UGT2B15: variants seen among roughly 807,000 people sequenced by gnomAD.
UGT2B15 encodes UDP glucuronosyltransferase family 2 member B15, also known as UDP-glucuronosyltransferase 2B15.
UGT2B15 carries 36 observed loss-of-function variants against 45.9 expected under a neutral mutation model. The ratio of observed to expected loss-of-function variants is 0.78; its 90% CI spans 0.60 to 1.04. UGT2B15 has a LOEUF of 1.04. UGT2B15 is among the 50% of genes least tolerant of loss of function. The pLI is 0.00. For missense variants in UGT2B15, 617 were observed against 622.4 expected, an observed-to-expected ratio of 0.99 and a Z score of 0.09; for synonymous variants, 219 against 216.4, an observed-to-expected ratio of 1.01 and a Z score of -0.11.
chr4:68,652,888 G>C (rs1413470099), intron 5 of UGT2B15, among the ~76,000 whole-genome samples: 4 of 151,944 alleles, frequency 2.6e-5, no homozygotes, highest in African/African-American at 4.8e-5. Context: ...GAAGATGTGT[G>C]AATGACCAGT....
intron 3 of UGT2B15, among the ~76,000 whole-genome samples, chr4:68,659,011 C>T (rs889251839): frequency 5.9e-5 from 9 of 151,988 alleles, no homozygotes; most frequent in African/African-American, 1.7e-4. Flanking sequence ...GTCAGATTAA[C>T]AAGGTTTTCT....
chr4:68,670,100 A>G lies in UGT2B15; in HGVS notation c.519T>C (p.Leu173=), dbSNP rs1320157997. Reference sequence around the variant, plus strand: ...CAAATGTGTAGCCAACAGAGAATCGAAGACTGTACAGAAAGGGTATGTTAA... The same window carrying G: ...CAAATGTGTAGCCAACAGAGAATCGGAGACTGTACAGAAAGGGTATGTTAA... The part of the protein sequence containing the change: ...ELFNIPFLYS[L]RFSVGYTFEK... The change falls in exon 1 of 6, where the codon CTT becomes CTC. Residue 173 remains leucine (L), a synonymous_variant. Coordinates refer to ENST00000338206, the MANE Select transcript of UGT2B15 (RefSeq NM_001076.4). 1.9e-6 allele frequency: 3 copies of G among 1,613,998 alleles called. No individual in the cohort carries two copies. Among genetic ancestry groups the G allele is most frequent in the African/African-American group, 1.3e-5 (1 of 74,904 alleles).
At chr4:68,648,708 C>T (rs550389013) in intron 5 of UGT2B15, among the ~76,000 whole-genome samples, 10 of 152,220 alleles carry the variant, frequency 6.6e-5, no homozygotes, top group African/African-American at 2.4e-4. Flanking sequence ...GAAGAACTCT[C>T]TCCTCCTGGG....
intron 3 of UGT2B15, among the ~76,000 whole-genome samples, chr4:68,660,779 G>A (rs138204102): frequency 0.016 from 2,467 of 151,418 alleles, 45 homozygotes; most frequent in African/African-American, 0.038. Context: ...ATTTTTCCTA[G>A]TTTGGAGTCA....
intron 2 of UGT2B15, among the ~76,000 whole-genome samples, chr4:68,667,461 C>A (rs992490773): frequency 6.6e-6 from 1 of 152,110 alleles, no homozygotes; most frequent in Non-Finnish European, 1.5e-5. Flanking sequence ...TAGGTGTGAG[C>A]CACCTTGCCT....
In UGT2B15 at chr4:68,649,569, C is replaced by A. The variant is rs935373040; in HGVS notation, c.1314-2186G>T. Reference sequence around the variant, plus strand: ...GTGTCGGGATTACAGGTGTGAGCCACCACACCCGGTCTCCATAAACTCTTT... The same window carrying A: ...GTGTCGGGATTACAGGTGTGAGCCAACACACCCGGTCTCCATAAACTCTTT... On this transcript the variant is annotated intron_variant, in intron 5 of 5. Transcript: ENST00000338206. Among the ~76,000 whole-genome samples the A allele has an allele frequency of 2.6e-4, 39 of 151,954 alleles. 1 individual carries two copies. The highest frequency in any genetic ancestry group is 5.2e-4 in the Admixed American group (8 of 15,260).
chr4:68,670,196 T>C lies in UGT2B15; in HGVS notation c.423A>G (p.Leu141=), dbSNP rs756647314. 6.2e-7 allele frequency: 1 copy of C among 1,614,088 alleles called. No individual in the cohort carries two copies. Among genetic ancestry groups the C allele is most frequent in the Non-Finnish European group, 8.5e-7 (1 of 1,179,988 alleles). ...GAATGACATCAAACTTTGACTCTTGTAGTTTCATCATAAGTTTCTTATTCA... is the reference window on the plus strand; with the variant it reads ...GAATGACATCAAACTTTGACTCTTGCAGTTTCATCATAAGTTTCTTATTCA... The part of the protein sequence containing the change: ...AVLNKKLMMK[L]QESKFDVILA... Residue 141 remains leucine, a synonymous_variant, in exon 1 of 6, where the codon CTA becomes CTG. Coordinates refer to ENST00000338206, the MANE Select transcript of UGT2B15 (RefSeq NM_001076.4).
intron 3 of UGT2B15, among the ~76,000 whole-genome samples, chr4:68,655,896 G>A (rs969532773): frequency 2.0e-5 from 3 of 151,930 alleles, no homozygotes; most frequent in African/African-American, 7.3e-5. Context: ...ATATATTCAG[G>A]GTTCATATTT....
intron 1 of UGT2B15, 24 bp from the exon 2 acceptor site, chr4:68,668,212 A>T (rs760265901): frequency 1.2e-6 from 2 of 1,606,388 alleles, no homozygotes; most frequent in Admixed American, 3.4e-5. Context: ...ACAAAACAAA[A>T]CAAAAGGTAG....
chr4:68,670,061 T>A lies in UGT2B15; in HGVS notation c.558A>T (p.Gly186=). ...CATAGGAAGGAGGGAACAGAAATCC[T>A]CCACCATTCTTCTCAAATGTGTAGC... is the stretch of plus-strand genomic sequence containing the variant. ...SVGYTFEKNG[G]GFLFPPSYVP... The change falls in exon 1 of 6, where the codon GGA becomes GGT. Residue 186 remains glycine, a synonymous_variant. Coordinates refer to ENST00000338206, the MANE Select transcript of UGT2B15 (RefSeq NM_001076.4). The A allele has an allele frequency of 6.2e-7, 1 of 1,614,064 alleles. No individual in the cohort carries two copies. The highest frequency in any genetic ancestry group is 8.5e-7 in the Non-Finnish European group (1 of 1,179,962).
At chr4:68,665,932 A>G (rs1310167364) in intron 2 of UGT2B15, among the ~76,000 whole-genome samples, 1 of 152,108 alleles carries the variant, frequency 6.6e-6, no homozygotes, top group Non-Finnish European at 1.5e-5. Context: ...CTGTAATCCC[A>G]GCTACTCGGG....
At chr4:68,656,537 GAAAAC>G (rs772986469) in intron 3 of UGT2B15, among the ~76,000 whole-genome samples, 9 of 151,910 alleles carry the variant, frequency 5.9e-5, no homozygotes, top group African/African-American at 1.5e-4. Flanking sequence ...ACGCAAAAGA[GAAAAC>G]AAAACAAAAC....
At chr4:68,666,473 G>A (rs1733122602) in intron 2 of UGT2B15, among the ~76,000 whole-genome samples, 2 of 151,994 alleles carry the variant, frequency 1.3e-5, no homozygotes, top group South Asian at 4.1e-4. Context: ...CAACTTAAGT[G>A]TTTTATCTGT....
chr4:68,664,763 A>C (rs1159742753), intron 2 of UGT2B15, among the ~76,000 whole-genome samples: 1 of 151,912 alleles, frequency 6.6e-6, no homozygotes, highest in Non-Finnish European at 1.5e-5. Context: ...GACAGGTTTC[A>C]CCATCTTGGC....
intron 3 of UGT2B15, among the ~76,000 whole-genome samples, chr4:68,655,625 C>T (rs1732781290): frequency 6.6e-6 from 1 of 152,080 alleles, no homozygotes; most frequent in South Asian, 2.1e-4. Context: ...CTATTTGTCT[C>T]TCATCTACCT....
intron 2 of UGT2B15, among the ~76,000 whole-genome samples, chr4:68,667,338 A>T (rs936822344): frequency 6.6e-6 from 1 of 151,464 alleles, no homozygotes; most frequent in African/African-American, 2.4e-5. Flanking sequence ...CCTGGCTATT[A>T]TTTTATTTTT....
intron 5 of UGT2B15, among the ~76,000 whole-genome samples, chr4:68,650,732 C>T (rs1296883114): frequency 6.6e-6 from 1 of 152,016 alleles, no homozygotes; most frequent in Non-Finnish European, 1.5e-5. Flanking sequence ...CACTGTTTTC[C>T]ATGATGGTTG....
intron 3 of UGT2B15, among the ~76,000 whole-genome samples, chr4:68,659,002 T>C (rs1371665489): frequency 1.3e-5 from 2 of 152,046 alleles, no homozygotes; most frequent in Non-Finnish European, 1.5e-5. Flanking sequence ...GGCCCCTGTG[T>C]CAGATTAACA....
Position 68,670,003 on chromosome 4 carries a change from T to C in UGT2B15, c.616A>G (p.Met206Val). ...PVVMSELSDQ[M>V]IFMERIKNMI... ...TTTTTTATCCTCTCCATGAAAATCA[T>C]TTGATCACTTAATTCTGACATAACA... Residue 206 changes from methionine (M) to valine (V), a missense_variant, in exon 1 of 6, where the codon ATG becomes GTG. Physicochemically the swap from Met to Val is conservative, Grantham distance 21 (BLOSUM62 1). This residue lies in a region of UGT2B15 where 351 missense variants were observed against 342.1 expected (regional missense o/e 1.03). Coordinates refer to ENST00000338206, the MANE Select transcript of UGT2B15 (RefSeq NM_001076.4). 1 of 1,613,940 alleles carries C rather than the reference T, an allele frequency of 6.2e-7. No individual in the cohort carries two copies. Among genetic ancestry groups the C allele is most frequent in the Non-Finnish European group, 8.5e-7 (1 of 1,179,938 alleles).
Sources: gnomAD v4.1 joint callset for allele counts (sites outside exome capture counted in the v4.1 genomes callset) on GRCh38, gnomAD v4.1.1 for gene constraint, gnomAD v4.1.1 regional missense constraint, MANE v1.5 for transcripts, NCBI Gene and HGNC (gene_info 2026-07-23, HGNC 2026-07-21) for gene names.